The following HHAT variants were observed in gnomAD, a reference collection of about 807,000 sequenced individuals.
HHAT encodes the protein hedgehog acyltransferase, also known as protein-cysteine N-palmitoyltransferase HHAT.
In HHAT, 47 loss-of-function variants were observed where a neutral mutation model predicts 70.8. The ratio of observed to expected loss-of-function variants is 0.66; its 90% CI spans 0.53 to 0.85. The LOEUF (loss-of-function observed/expected upper bound fraction) is 0.85. Among genes scored for constraint, HHAT ranks in the 40% least tolerant of loss-of-function variants. HHAT has a pLI of 0.00. For missense variants in HHAT, 609 were observed against 604.8 expected (o/e 1.01, Z -0.07); for synonymous variants, 228 against 247.6 (o/e 0.92, Z 0.74).
intron 9 of HHAT, among the ~76,000 whole-genome samples, chr1:210,529,935 A>G (rs758147689): frequency 2.6e-4 from 40 of 152,350 alleles, no homozygotes; most frequent in Middle Eastern, 6.8e-3. Flanking sequence ...GTTTGCAACT[A>G]AAAACTAAGT....
intron 9 of HHAT, among the ~76,000 whole-genome samples, chr1:210,517,448 A>G (rs1053694843): frequency 6.6e-6 from 1 of 152,086 alleles, no homozygotes; most frequent in Non-Finnish European, 1.5e-5. Flanking sequence ...TGTAGCCAGC[A>G]CTGTCTCTTT....
intron 11 of HHAT, among the ~76,000 whole-genome samples, chr1:210,625,025 C>CCTAACTGTGGCATGGGCCTAACAGTT (rs1669564364): frequency 6.6e-6 from 1 of 152,218 alleles, no homozygotes; most frequent in Non-Finnish European, 1.5e-5. Context: ...TCCAGAATGG[C>CCTAACTGTGGCATGGGCCTAACAGTT]AGACCATGGG....
At chr1:210,402,867 G>A (rs1467296236) in intron 5 of HHAT, among the ~76,000 whole-genome samples, 1 of 152,162 alleles carries the variant, frequency 6.6e-6, no homozygotes, top group Admixed American at 6.5e-5. Flanking sequence ...ACACAGTGAT[G>A]GGAAGGAACA....
chr1:210,558,959 T>C (rs2095597373), intron 9 of HHAT, among the ~76,000 whole-genome samples: 1 of 152,222 alleles, frequency 6.6e-6, no homozygotes, highest in African/African-American at 2.4e-5. Context: ...AGTTTCTGTT[T>C]ATTTCATAGT....
rs2092023037 is a variant in HHAT at position 210,400,679 on chromosome 1, T to C, written c.468+17T>C. The C allele has an allele frequency of 6.2e-7, 1 of 1,602,712 alleles. No individual in the cohort carries two copies. The highest frequency in any genetic ancestry group is 8.5e-7 in the Non-Finnish European group (1 of 1,174,622). ...GAAGTTAAGGTAAGTGTTTTCCTGT[T>C]ACCATTGGGAATCCAGAGAAGGCCC... On this transcript the variant is annotated intron_variant, in intron 5 of 11. Coordinates refer to ENST00000261458, the MANE Select transcript of HHAT (RefSeq NM_018194.6).
At chr1:210,659,827 A>T (rs1358127443) in intron 11 of HHAT, among the ~76,000 whole-genome samples, 2 of 152,216 alleles carry the variant, frequency 1.3e-5, no homozygotes, top group African/African-American at 4.8e-5. Context: ...CCACATGATT[A>T]TCTCAATAGA....
intron 1 of HHAT, among the ~76,000 whole-genome samples, chr1:210,329,640 C>CT (rs1357704568): frequency 2.0e-5 from 3 of 152,214 alleles, no homozygotes; most frequent in African/African-American, 7.2e-5. Flanking sequence ...AAATGTGCTG[C>CT]TACCTGTGTA....
At chr1:210,458,935 A>T (rs1021213941) in intron 7 of HHAT, among the ~76,000 whole-genome samples, 1 of 152,102 alleles carries the variant, frequency 6.6e-6, no homozygotes, top group Non-Finnish European at 1.5e-5. Context: ...ATTCTAGGGG[A>T]GCTAGTTGGG....
chr1:210,509,303 T>G (rs2094914529), intron 8 of HHAT, among the ~76,000 whole-genome samples: 1 of 152,194 alleles, frequency 6.6e-6, no homozygotes, highest in Non-Finnish European at 1.5e-5. Context: ...TATGAGTGTC[T>G]CATTGGTGCT....
At chr1:210,615,759 C>A (rs916671345) in intron 10 of HHAT, among the ~76,000 whole-genome samples, 6 of 152,248 alleles carry the variant, frequency 3.9e-5, no homozygotes, top group Non-Finnish European at 5.9e-5. Context: ...GCGAATATTG[C>A]TGAACAGCAA....
intron 4 of HHAT, among the ~76,000 whole-genome samples, chr1:210,396,641 T>C (rs1465032015): frequency 6.6e-6 from 1 of 152,258 alleles, no homozygotes; most frequent in East Asian, 1.9e-4. Flanking sequence ...TCTATGCATG[T>C]GTGTTTGCAT....
At chr1:210,344,820 T>A (rs1437310741) in intron 1 of HHAT, among the ~76,000 whole-genome samples, 1 of 151,858 alleles carries the variant, frequency 6.6e-6, no homozygotes, top group Non-Finnish European at 1.5e-5. Flanking sequence ...GAGGGTACAG[T>A]TAATTTACAA....
At chr1:210,443,165 C>T (rs1441516870) in intron 7 of HHAT, among the ~76,000 whole-genome samples, 18 of 151,172 alleles carry the variant, frequency 1.2e-4, no homozygotes, top group African/African-American at 3.6e-4. Context: ...AGATATGTGG[C>T]GTTATTTCTG....
chr1:210,644,112 C>T lies in HHAT; in HGVS notation c.1390+20442C>T, dbSNP rs140660130. On this transcript the variant is annotated intron_variant, in intron 11 of 11. Coordinates refer to ENST00000261458, the MANE Select transcript of HHAT (RefSeq NM_018194.6). Reference sequence around the variant, plus strand: ...AAGATGTTGGAGGAGAGACTCTGGCCTAACCCTCCCATTTTGGAAAAGACA... The same window carrying T: ...AAGATGTTGGAGGAGAGACTCTGGCTTAACCCTCCCATTTTGGAAAAGACA... Among the ~76,000 whole-genome samples the T allele has an allele frequency of 3.6e-4, 55 of 152,212 alleles. No individual in the cohort carries two copies. The East Asian group carries it at 0.01, about 28-fold the overall frequency.
At chr1:210,348,301 A>G (rs753319483) in intron 1 of HHAT, among the ~76,000 whole-genome samples, 2 of 152,078 alleles carry the variant, frequency 1.3e-5, no homozygotes, top group African/African-American at 2.4e-5. Context: ...GGATCTGGCT[A>G]TGTTGCCCAG....
chr1:210,575,513 G>C (rs2148749236), intron 9 of HHAT, among the ~76,000 whole-genome samples: 1 of 152,216 alleles, frequency 6.6e-6, no homozygotes, highest in Admixed American at 6.5e-5. Context: ...GGAGCCCTGG[G>C]GATGCTGAGA....
intron 9 of HHAT, among the ~76,000 whole-genome samples, chr1:210,581,504 C>T (rs1659259908): frequency 6.6e-6 from 1 of 151,484 alleles, no homozygotes. Context: ...AAGGTGAGGT[C>T]ACCTCACCAC....
chr1:210,359,295 A>G (rs1213116007), intron 2 of HHAT, among the ~76,000 whole-genome samples: 1 of 152,188 alleles, frequency 6.6e-6, no homozygotes, highest in African/African-American at 2.4e-5. Flanking sequence ...TATAAATATA[A>G]CTGCCTTTGT....
intron 2 of HHAT, among the ~76,000 whole-genome samples, chr1:210,356,094 ATTTT>A (rs11449276): frequency 7.1e-6 from 1 of 139,994 alleles, no homozygotes. Context: ...TTGCTTGGCT[ATTTT>A]TTTTTTTTTT....
Sources: gnomAD v4.1 joint callset for allele counts (sites outside exome capture counted in the v4.1 genomes callset) on GRCh38, gnomAD v4.1.1 for gene constraint, MANE v1.5 for transcripts, NCBI Gene and HGNC (gene_info 2026-07-23, HGNC 2026-07-21) for gene names.